The following PHLDB2 variants were observed in gnomAD, a reference collection of about 807,000 sequenced individuals.
PHLDB2 encodes pleckstrin homology-like domain family B member 2.
In PHLDB2, 71 loss-of-function variants were observed where a neutral mutation model predicts 123.6. The observed-to-expected ratio is 0.57, with a 90% confidence interval of 0.47 to 0.70. PHLDB2 has a LOEUF of 0.70. Among genes scored for constraint, PHLDB2 ranks in the 30% least tolerant of loss-of-function variants. PHLDB2 has a pLI of 0.00. For missense variants in PHLDB2, 1,446 were observed against 1,519.5 expected (o/e 0.95, Z 0.80); for synonymous variants, 547 against 541.6 (o/e 1.01, Z -0.14).
intron 1 of PHLDB2, among the ~76,000 whole-genome samples, chr3:111,837,894 T>G (rs1318457588): frequency 6.7e-6 from 1 of 149,882 alleles, no homozygotes; most frequent in Non-Finnish European, 1.5e-5. Flanking sequence ...AATACAAAAA[T>G]TAGCCAGGCA....
chr3:111,800,886 A>G (rs4629302), intron 1 of PHLDB2, among the ~76,000 whole-genome samples: 145,182 of 152,254 alleles, frequency 0.95, 69,623 homozygotes, highest in East Asian at 1. Context: ...AAGATTTCTA[A>G]GAAGTTATGC....
At chr3:111,892,205 G>A (rs1559889153) in intron 2 of PHLDB2, among the ~76,000 whole-genome samples, 1 of 152,098 alleles carries the variant, frequency 6.6e-6, no homozygotes. Context: ...TGAAAATAAG[G>A]TTGGCTTTCT....
At chr3:111,736,794 T>C (rs1168172351) in intron 1 of PHLDB2, among the ~76,000 whole-genome samples, 2 of 152,196 alleles carry the variant, frequency 1.3e-5, no homozygotes, top group Non-Finnish European at 2.9e-5. Context: ...AATAAATACA[T>C]TAATTGTTAC....
intron 1 of PHLDB2, among the ~76,000 whole-genome samples, chr3:111,831,314 TA>T (rs891704654): frequency 6.6e-6 from 1 of 152,314 alleles, no homozygotes; most frequent in Non-Finnish European, 1.5e-5. Flanking sequence ...TTTCACGTAT[TA>T]AAAAAATTCA....
chr3:111,958,478 G>A (rs936449061), intron 12 of PHLDB2, among the ~76,000 whole-genome samples: 1 of 152,136 alleles, frequency 6.6e-6, no homozygotes, highest in Admixed American at 6.5e-5. Context: ...ACTCACAAGA[G>A]ACTTTTCAGG....
chr3:111,807,264 A>C (rs533222031), intron 1 of PHLDB2, among the ~76,000 whole-genome samples: 1 of 152,334 alleles, frequency 6.6e-6, no homozygotes, highest in African/African-American at 2.4e-5. Context: ...ACATAGAGAC[A>C]GGCAAACATT....
chr3:111,837,584 G>A (rs1027225854), intron 1 of PHLDB2, among the ~76,000 whole-genome samples: 11 of 152,188 alleles, frequency 7.2e-5, no homozygotes, highest in Non-Finnish European at 1.3e-4. Context: ...CCCATGGCTT[G>A]CTAAGGAGGG....
At chr3:111,842,865 A>T (rs968484766) in intron 1 of PHLDB2, among the ~76,000 whole-genome samples, 2 of 152,178 alleles carry the variant, frequency 1.3e-5, no homozygotes, top group Non-Finnish European at 2.9e-5. Flanking sequence ...GTAATATGTG[A>T]TCTTTTGTGA....
At chr3:111,773,082 G>A (rs1169532764) in intron 1 of PHLDB2, among the ~76,000 whole-genome samples, 2 of 152,168 alleles carry the variant, frequency 1.3e-5, no homozygotes, top group East Asian at 3.8e-4. Flanking sequence ...ATGCTCTAAG[G>A]ATTGAAATTG....
chr3:111,780,519 C>T (rs1286022633), intron 1 of PHLDB2, among the ~76,000 whole-genome samples: 1 of 151,624 alleles, frequency 6.6e-6, no homozygotes, highest in East Asian at 1.9e-4. Context: ...TGCTCTTAGA[C>T]TTCTCAGCCT....
At chr3:111,764,489 C>T (rs573518077) in intron 1 of PHLDB2, among the ~76,000 whole-genome samples, 1 of 152,220 alleles carries the variant, frequency 6.6e-6, no homozygotes, top group South Asian at 2.1e-4. Context: ...ACCCCTATTC[C>T]CAACCTCCCC....
chr3:111,868,669 A>G (rs902134078), intron 1 of PHLDB2, among the ~76,000 whole-genome samples: 1 of 152,140 alleles, frequency 6.6e-6, no homozygotes, highest in Non-Finnish European at 1.5e-5. Flanking sequence ...ACTTATTGAT[A>G]TTGTCTCCTT....
In PHLDB2 at chr3:111,939,639, T is replaced by G. The variant is rs712510; in HGVS notation, c.2286+9T>G. On this transcript the variant is annotated intron_variant, in intron 7 of 17. Transcript: ENST00000431670. ...ACATCGTTTCTAGAAAGGTACTTTT[T>G]CCAGGTGTCATTCAATGTGAAAAAT... 1,602,902 of 1,605,562 alleles carry G rather than the reference T, an allele frequency of 1. 800,158 individuals carry two copies. The highest frequency in any genetic ancestry group is 1 in the East Asian group (44,755 of 44,756).
chr3:111,892,804 C>G (rs897558757), intron 2 of PHLDB2, among the ~76,000 whole-genome samples: 1 of 152,168 alleles, frequency 6.6e-6, no homozygotes, highest in South Asian at 2.1e-4. Flanking sequence ...GATGATAGAT[C>G]TAATGTTTCT....
At chr3:111,966,968 T>G (rs1561912) in intron 14 of PHLDB2, among the ~76,000 whole-genome samples, 91,549 of 135,770 alleles carry the variant, frequency 0.67, 28,270 homozygotes, top group East Asian at 0.99. Context: ...TTTGTGTGTG[T>G]TTTTTTTTTG....
chr3:111,856,220 A>C (rs1262706578), upstream of PHLDB2, among the ~76,000 whole-genome samples: 1 of 152,216 alleles, frequency 6.6e-6, no homozygotes, highest in African/African-American at 2.4e-5. Context: ...AAGGCAGTGA[A>C]GGGAGGCCAG....
intron 1 of PHLDB2, among the ~76,000 whole-genome samples, chr3:111,796,330 G>T (rs2061160784): frequency 6.6e-6 from 1 of 152,210 alleles, no homozygotes; most frequent in Non-Finnish European, 1.5e-5. Context: ...ACACTGTCTT[G>T]TTGATTCTGC....
At chr3:111,859,122 G>A (rs1210906410), upstream of PHLDB2, 1 of 967,544 alleles carries the variant, frequency 1.0e-6, no homozygotes, top group Non-Finnish European at 1.2e-6. Flanking sequence ...AACTTGCCCC[G>A]GGGCGAACTG....
intron 1 of PHLDB2, among the ~76,000 whole-genome samples, chr3:111,787,110 C>A (rs976552379): frequency 2.0e-5 from 3 of 152,272 alleles, no homozygotes; most frequent in Admixed American, 1.3e-4. Context: ...GCCTAGTAGA[C>A]CAACAATTAT....
Sources: gnomAD v4.1 joint callset for allele counts (sites outside exome capture counted in the v4.1 genomes callset) on GRCh38, gnomAD v4.1.1 for gene constraint, MANE v1.5 for transcripts, NCBI Gene and HGNC (gene_info 2026-07-23, HGNC 2026-07-21) for gene names.